Variants in OGA observed in about 807,000 individuals in gnomAD.
OGA encodes protein O-GlcNAcase.
OGA carries 21 observed loss-of-function variants against 102.0 expected under a neutral mutation model. That is an observed-to-expected ratio of 0.21 (90% CI 0.15 to 0.30). The LOEUF is 0.30. Among genes scored for constraint, OGA ranks in the 10% least tolerant of loss-of-function variants. The pLI, the probability that OGA is intolerant of heterozygous loss-of-function variation, is 1.00. For missense variants in OGA, 765 were observed against 1,107.8 expected, an observed-to-expected ratio of 0.69 and a Z score of 4.39; for synonymous variants, 408 against 378.2, an observed-to-expected ratio of 1.08 and a Z score of -0.91.
At position 101,798,142 on chromosome 10, in the gene OGA, G is replaced by C; in HGVS notation, c.1822C>G (p.Arg608Gly). ...GKDSEKIEEW[R>G]SRAAKFEEMC... ...TCTTCAAACTTGGCTGCTCGTGACC[G>C]CCATTCTTCAATCTATTGAAGATCA... The change falls in exon 10 of 16, where the codon CGG (arginine) becomes GGG (glycine). Residue 608 changes from arginine (R) to glycine (G), a missense_variant. This residue lies in a region of OGA where 281 missense variants were observed against 345.8 expected (regional missense o/e 0.81). Transcript: ENST00000361464. 10 of 1,613,612 alleles carry C rather than the reference G, an allele frequency of 6.2e-6. No individual in the cohort carries two copies. Among genetic ancestry groups the C allele is most frequent in the Non-Finnish European group, 8.5e-6 (10 of 1,179,860 alleles).
chr10:101,807,958 T>C, intron 4 of OGA, 57 bp from the exon 5 acceptor site: 2 of 1,339,824 alleles, frequency 1.5e-6, no homozygotes, highest in Admixed American at 2.6e-5. Context: ...TTCCAAACAT[T>C]ACAGCGTTAA....
intron 3 of OGA, among the ~76,000 whole-genome samples, chr10:101,810,614 G>A (rs903281764): frequency 6.6e-6 from 1 of 152,202 alleles, no homozygotes; most frequent in African/African-American, 2.4e-5. Context: ...TGGGGAAACA[G>A]GCTAAAATCA....
Position 101,813,140 on chromosome 10 carries a change from G to C in OGA, c.252-13C>G, listed in dbSNP as rs769502521. Reference sequence around the variant, plus strand: ...CCATTTCTGGAGCCTTAAGGAGAAAGAAAATTACATATGTATAAACAGGCA... The same window carrying C: ...CCATTTCTGGAGCCTTAAGGAGAAACAAAATTACATATGTATAAACAGGCA... On this transcript the variant is annotated splice_polypyrimidine_tract_variant and intron_variant, in intron 2 of 15. Coordinates refer to ENST00000361464, the MANE Select transcript of OGA (RefSeq NM_012215.5). 4 of 1,545,136 alleles carry C rather than the reference G, an allele frequency of 2.6e-6. No individual in the cohort carries two copies. The African/African-American group carries it at 5.5e-5, about 21-fold the overall frequency.
intron 10 of OGA, 95 bp downstream of exon 10, chr10:101,797,885 T>C: frequency 8.0e-7 from 1 of 1,257,196 alleles, no homozygotes; most frequent in Non-Finnish European, 1.1e-6. Flanking sequence ...GACTTGGAAA[T>C]GTGCCAATTC....
chr10:101,806,256 G>A (rs2065472175), intron 5 of OGA, 113 bp from the exon 6 acceptor site: 1 of 620,190 alleles, frequency 1.6e-6, no homozygotes, highest in Non-Finnish European at 2.9e-6. Flanking sequence ...AGGCTAGAGT[G>A]CAGTGGCACG....
chr10:101,815,075 A>G (rs1314544489), intron 1 of OGA, among the ~76,000 whole-genome samples: 1 of 152,204 alleles, frequency 6.6e-6, no homozygotes, highest in Non-Finnish European at 1.5e-5. Flanking sequence ...AATGTTCTAC[A>G]TAAACCCACA....
At chr10:101,800,637 A>G (rs2065376824) in intron 7 of OGA, among the ~76,000 whole-genome samples, 1 of 152,238 alleles carries the variant, frequency 6.6e-6, no homozygotes, top group Non-Finnish European at 1.5e-5. Flanking sequence ...GAAATAAGAA[A>G]TATAAATTTT....
At chr10:101,787,149 TAGGATTACA>T (rs2065200864) in intron 15 of OGA, among the ~76,000 whole-genome samples, 1 of 151,808 alleles carries the variant, frequency 6.6e-6, no homozygotes, top group Admixed American at 6.6e-5. Flanking sequence ...CCCGAAGTGC[TAGGATTACA>T]AGCATGAGCC....
At chr10:101,801,001 G>A (rs558398443) in intron 7 of OGA, among the ~76,000 whole-genome samples, 22 of 151,852 alleles carry the variant, frequency 1.4e-4, no homozygotes, top group East Asian at 7.8e-4. Flanking sequence ...TCTCGAACTC[G>A]ACCTTGTGAT....
chr10:101,798,266 C>T, intron 9 of OGA, 112 bp from the exon 10 acceptor site: 2 of 926,412 alleles, frequency 2.2e-6, no homozygotes, highest in East Asian at 5.2e-5. Flanking sequence ...TTTATCTTAA[C>T]CATTAAAGTA....
intron 4 of OGA, 46 bp downstream of exon 4, chr10:101,810,138 T>C: frequency 6.6e-7 from 1 of 1,519,502 alleles, no homozygotes; most frequent in Non-Finnish European, 8.9e-7. Context: ...AAACTTCTAG[T>C]TTCAAGTACA....
intron 10 of OGA, among the ~76,000 whole-genome samples, chr10:101,795,538 G>C (rs1253565825): frequency 2.0e-5 from 3 of 152,212 alleles, no homozygotes; most frequent in Admixed American, 1.3e-4. Flanking sequence ...GTACTGCATA[G>C]CCACATTGTT....
In OGA at chr10:101,786,368, A is replaced by G; in HGVS notation, c.*83T>C. ...ATTGGCTGATTTGTTACCATTCTAGAGGCTGAACTGTATGAAGACCTCAAC... is the reference window on the plus strand; with the variant it reads ...ATTGGCTGATTTGTTACCATTCTAGGGGCTGAACTGTATGAAGACCTCAAC... On this transcript the variant is annotated 3_prime_UTR_variant, in exon 16 of 16. Coordinates refer to ENST00000361464, the MANE Select transcript of OGA (RefSeq NM_012215.5). 1 of 1,348,944 alleles carries G rather than the reference A, an allele frequency of 7.4e-7. No homozygotes were observed. The allele number at this position is 1,348,944 out of a possible 1,614,324, so 83.6% of individuals were successfully genotyped here. A position where few individuals can be genotyped will look rare whatever the true frequency, so the allele number is the denominator to read the frequency against.
intron 13 of OGA, 48 bp from the exon 14 acceptor site, chr10:101,791,136 A>C: frequency 6.5e-7 from 1 of 1,546,124 alleles, no homozygotes; most frequent in Non-Finnish European, 8.7e-7. Flanking sequence ...TTGCTAATAT[A>C]AAATTCAGAC....
At chr10:101,816,082 G>C (rs1042656802) in intron 1 of OGA, among the ~76,000 whole-genome samples, 1 of 149,678 alleles carries the variant, frequency 6.7e-6, no homozygotes, top group African/African-American at 2.5e-5. Flanking sequence ...AACCTGCCTG[G>C]GCAACACGGT....
intron 11 of OGA, chr10:101,793,616 G>A (rs1483839384): frequency 1.8e-5 from 4 of 222,078 alleles, no homozygotes; most frequent in East Asian, 1.1e-4. Context: ...ACAAGCATGC[G>A]CGCATTGTGC....
At chr10:101,816,338 G>T (rs945176603) in intron 1 of OGA, among the ~76,000 whole-genome samples, 5 of 152,174 alleles carry the variant, frequency 3.3e-5, no homozygotes, top group African/African-American at 1.2e-4. Context: ...ATATACAAGG[G>T]CACGGGAGGG....
intron 12 of OGA, 190 bp downstream of exon 12, chr10:101,792,649 C>A: frequency 2.1e-6 from 1 of 478,608 alleles, no homozygotes. Context: ...AATTAAAGAA[C>A]TTGGCACAAG....
intron 14 of OGA, among the ~76,000 whole-genome samples, chr10:101,790,600 G>C (rs2065249759): frequency 6.6e-6 from 1 of 152,006 alleles, no homozygotes; most frequent in Admixed American, 6.6e-5. Context: ...CTTTAAGTAT[G>C]AAACTTTAAA....
Sources: gnomAD v4.1 joint callset for allele counts (sites outside exome capture counted in the v4.1 genomes callset) on GRCh38, gnomAD v4.1.1 for gene constraint, gnomAD v4.1.1 regional missense constraint, MANE v1.5 for transcripts, NCBI Gene and HGNC (gene_info 2026-07-23, HGNC 2026-07-21) for gene names.